Variants in DAG1 observed in about 807,000 individuals in gnomAD.
DAG1 encodes dystroglycan 1 (dystrophin-associated glycoprotein 1).
Under a neutral mutation model 46.1 loss-of-function variants are expected in DAG1, and 8 were observed. The ratio of observed to expected loss-of-function variants is 0.17; its 90% CI spans 0.10 to 0.31. DAG1 has a LOEUF of 0.31. Among genes scored for constraint, DAG1 ranks in the 10% least tolerant of loss-of-function variants. The probability of loss-of-function intolerance (pLI) is 1.00; values close to 1 mark genes in which losing one functional copy is unlikely to be tolerated. For synonymous variants in DAG1, 495 were observed against 481.8 expected, an observed-to-expected ratio of 1.03 and a Z score of -0.36; for missense variants, 1,003 against 1,189.9, an observed-to-expected ratio of 0.84 and a Z score of 2.31.
upstream of DAG1, among the ~76,000 whole-genome samples, chr3:49,469,600 G>C (rs1559541062): frequency 6.6e-6 from 1 of 152,186 alleles, no homozygotes; most frequent in African/African-American, 2.4e-5. Flanking sequence ...GAGGGGACGA[G>C]GGTTAGGCCT....
chr3:49,478,297 A>G (rs2049747496), intron 1 of DAG1, among the ~76,000 whole-genome samples: 1 of 150,374 alleles, frequency 6.7e-6, no homozygotes, highest in Non-Finnish European at 1.5e-5. Context: ...AAAGAAAAAA[A>G]AGTGGAAAGA....
chr3:49,498,400 A>T (rs766467088), intron 1 of DAG1, among the ~76,000 whole-genome samples: 11 of 146,656 alleles, frequency 7.5e-5, no homozygotes, highest in East Asian at 2.0e-4. Context: ...GACATTTGCC[A>T]TTTTTTTTTT....
rs1461127584 is a variant in DAG1, at chr3:49,534,530, G to T, written c.*1331G>T. The T allele has an allele frequency of 2.0e-5, 3 of 152,614 alleles. No homozygotes were observed. The East Asian group carries it at 5.8e-4, about 29-fold the overall frequency. 9.5% of individuals were successfully genotyped at this position (152,614 alleles called of 1,614,324 possible). A position where few individuals can be genotyped will look rare whatever the true frequency, so the allele number is the denominator to read the frequency against. ...TTTATTAAAAAAAAGATTTAAAATG[G>T]TGATGCTTACAGCAGTTTGTACGAG... On this transcript the variant is annotated 3_prime_UTR_variant, in exon 3 of 3. Coordinates refer to ENST00000308775, the MANE Select transcript of DAG1 (RefSeq NM_004393.6).
intron 1 of DAG1, among the ~76,000 whole-genome samples, chr3:49,493,189 A>G (rs2107372850): frequency 6.6e-6 from 1 of 151,670 alleles, no homozygotes. Flanking sequence ...GATTATAGGC[A>G]TGCGTCACCA....
At chr3:49,509,551 C>T (rs188036920) in intron 1 of DAG1, among the ~76,000 whole-genome samples, 1 of 152,198 alleles carries the variant, frequency 6.6e-6, no homozygotes, top group African/African-American at 2.4e-5. Flanking sequence ...ATCCCACATT[C>T]TAGATTTGTG....
intron 1 of DAG1, among the ~76,000 whole-genome samples, chr3:49,506,256 G>A (rs1414631321): frequency 6.6e-6 from 1 of 152,254 alleles, no homozygotes; most frequent in Non-Finnish European, 1.5e-5. Flanking sequence ...GGGATTACAG[G>A]CGTGGGCCAC....
intron 1 of DAG1, among the ~76,000 whole-genome samples, chr3:49,504,971 C>CT (rs766445405): frequency 0.047 from 6,522 of 139,104 alleles, 206 homozygotes; most frequent in Non-Finnish European, 0.072. Context: ...CAGTCTTCTT[C>CT]TTTTTTTTTT....
chr3:49,473,103 C>G (rs2049572666), intron 1 of DAG1, among the ~76,000 whole-genome samples: 1 of 136,682 alleles, frequency 7.3e-6, no homozygotes, highest in Non-Finnish European at 1.6e-5. Context: ...AACTCGGTCT[C>G]AAAAAAAATA....
At position 49,533,026 on chromosome 3, in the gene DAG1, A is replaced by G. The variant is rs1290578292; in HGVS notation, c.2515A>G (p.Thr839Ala). ...GTACCCCAACCAGAGTGTGCCCGAG[A>G]CCACTCCTCTGAACCAGGACACCAT... ...PEYPNQSVPETTPLNQDTMGE... is the reference protein window; with the variant it reads ...PEYPNQSVPEATPLNQDTMGE... Residue 839 changes from threonine (T) to alanine (A), a missense_variant, in exon 3 of 3, where the codon ACC (threonine) becomes GCC (alanine). Thr to Ala is a moderately conservative substitution (Grantham distance 58). Around this residue, in one of 3 missense-constraint regions of DAG1, gnomAD observed 755 missense variants for 854.1 expected, o/e 0.88. Transcript: ENST00000308775. The G allele has an allele frequency of 1.9e-6, 3 of 1,613,896 alleles. No homozygotes were observed. Among genetic ancestry groups the G allele is most frequent in the Non-Finnish European group, 2.5e-6 (3 of 1,180,002 alleles).
At chr3:49,470,228 T>G (rs1310166958), upstream of DAG1, 1 of 151,756 alleles carries the variant, frequency 6.6e-6, no homozygotes, top group African/African-American at 2.4e-5. Flanking sequence ...GTTGCTAGGC[T>G]CCGGCCGCGC....
chr3:49,488,348 T>C lies in DAG1; in HGVS notation c.-117+17915T>C, dbSNP rs115598878. Among the ~76,000 whole-genome samples, 102 of 152,334 alleles carry C rather than the reference T, an allele frequency of 6.7e-4. No individual in the cohort carries two copies. In the Middle Eastern group the frequency reaches 0.017, roughly 25 times the overall value. On this transcript the variant is annotated intron_variant, in intron 1 of 2. Transcript: ENST00000308775. Reference sequence around the variant, plus strand: ...TTGTATCTTTAGGTGAGGGTGTAAATTGAAGGACATTTTGCCAAATCTAAC... The same window carrying C: ...TTGTATCTTTAGGTGAGGGTGTAAACTGAAGGACATTTTGCCAAATCTAAC...
chr3:49,523,913 C>T (rs986730496), intron 2 of DAG1, among the ~76,000 whole-genome samples: 3 of 152,186 alleles, frequency 2.0e-5, no homozygotes, highest in African/African-American at 7.2e-5. Flanking sequence ...GAAAGATGGG[C>T]CTTCTCATGG....
At chr3:49,528,274 G>GTT (rs1559575548) in intron 2 of DAG1, among the ~76,000 whole-genome samples, 9 of 60,324 alleles carry the variant, frequency 1.5e-4, no homozygotes, top group Non-Finnish European at 2.8e-4. Flanking sequence ...GAAATAGTGT[G>GTT]ATTTTTTTTT....
intron 1 of DAG1, among the ~76,000 whole-genome samples, chr3:49,478,126 G>A (rs746917848): frequency 6.6e-6 from 1 of 151,652 alleles, no homozygotes; most frequent in Non-Finnish European, 1.5e-5. Context: ...AATTAGCCAG[G>A]CGTGGTGGTG....
rs1063430 is a variant in DAG1 at position 49,535,416 on chromosome 3, G to A, written c.*2217G>A. 1.3e-5 allele frequency: 2 copies of A among 152,696 alleles called. No homozygotes were observed. The highest frequency in any genetic ancestry group is 1.9e-4 in the East Asian group (1 of 5,202). The allele number at this position is 152,696 out of a possible 1,614,324, so 9.5% of individuals were successfully genotyped here. A position where few individuals can be genotyped will look rare whatever the true frequency, so the allele number is the denominator to read the frequency against. Reference sequence around the variant, plus strand: ...TGAACAGAATAACAACAGCAACAATGCCTTTGCAGGCAGCCTGCTCCCCTG... The same window carrying A: ...TGAACAGAATAACAACAGCAACAATACCTTTGCAGGCAGCCTGCTCCCCTG... On this transcript the variant is annotated 3_prime_UTR_variant, in exon 3 of 3. Coordinates refer to ENST00000308775, the MANE Select transcript of DAG1 (RefSeq NM_004393.6).
At chr3:49,509,958 A>G (rs1408333588) in intron 1 of DAG1, among the ~76,000 whole-genome samples, 1 of 152,142 alleles carries the variant, frequency 6.6e-6, no homozygotes, top group East Asian at 1.9e-4. Flanking sequence ...CAAACTCCTT[A>G]CCTCAAGTCA....
chr3:49,484,372 C>T (rs974249460), intron 1 of DAG1, among the ~76,000 whole-genome samples: 8 of 152,020 alleles, frequency 5.3e-5, no homozygotes, highest in African/African-American at 1.7e-4. Context: ...GTGGGGACCC[C>T]TGTCTCTTCA....
intron 1 of DAG1, chr3:49,488,517 A>G (rs1426849830): frequency 2.6e-5 from 4 of 152,214 alleles, no homozygotes; most frequent in Non-Finnish European, 5.9e-5. Flanking sequence ...TAGATGTGCC[A>G]CACACAATAG....
In DAG1 at chr3:49,532,201, C is replaced by A. The variant is rs199894361; in HGVS notation, c.1690C>A (p.Leu564Ile). 93 of 1,614,164 alleles carry A rather than the reference C, an allele frequency of 5.8e-5. 1 individual carries two copies. The East Asian group carries it at 1.2e-3, about 21-fold the overall frequency. Reference protein sequence around the residue: ...FNSNSQLMYGLPDSSHVGKHE... With the variant: ...FNSNSQLMYGIPDSSHVGKHE... ...CAGCAACAGCCAGCTCATGTATGGCCTTCCCGACAGCAGCCACGTGGGCAA... is the reference window on the plus strand; with the variant it reads ...CAGCAACAGCCAGCTCATGTATGGCATTCCCGACAGCAGCCACGTGGGCAA... The change falls in exon 3 of 3, where the codon CTT becomes ATT. Residue 564 changes from leucine to isoleucine, a missense_variant. By Grantham distance (5) the Leu-to-Ile change is conservative. Around this residue, in one of 3 missense-constraint regions of DAG1, gnomAD observed 755 missense variants for 854.1 expected, o/e 0.88. Coordinates refer to ENST00000308775, the MANE Select transcript of DAG1 (RefSeq NM_004393.6). The surrounding 1 kb of genome is among the most constrained non-coding windows in gnomAD (Gnocchi z 5.4).
Sources: allele counts gnomAD v4.1 joint callset (sites outside exome capture counted in the v4.1 genomes callset), GRCh38; gene constraint gnomAD v4.1.1; regional missense constraint gnomAD v4.1.1; non-coding constraint Gnocchi (gnomAD v3.1); transcripts MANE v1.5; gene names NCBI Gene and HGNC (gene_info 2026-07-23, HGNC 2026-07-21).